CALCR: variants seen among roughly 807,000 people sequenced by gnomAD.
The protein encoded by CALCR is calcitonin receptor.
Under a neutral mutation model 59.5 loss-of-function variants are expected in CALCR, and 47 were observed. That is an observed-to-expected ratio of 0.79 (90% CI 0.63 to 1.01). The LOEUF is 1.01. Ranked by LOEUF, CALCR falls within the 50% of genes least tolerant of loss-of-function variation. CALCR has a pLI of 0.00. For missense variants in CALCR, 566 were observed against 597.1 expected (o/e 0.95, Z 0.54); for synonymous variants, 213 against 211.3 (o/e 1.01, Z -0.07).
chr7:93,491,011 A>G (rs1801063129), intron 2 of CALCR, among the ~76,000 whole-genome samples: 1 of 152,108 alleles, frequency 6.6e-6, no homozygotes, highest in African/African-American at 2.4e-5. Flanking sequence ...AAACTATGCT[A>G]TAAGGCTACA....
intron 2 of CALCR, among the ~76,000 whole-genome samples, chr7:93,549,987 C>A (rs1460554022): frequency 2.6e-5 from 4 of 152,130 alleles, no homozygotes; most frequent in African/African-American, 9.7e-5. Flanking sequence ...CAATAATTTG[C>A]TTCAGAACAT....
At chr7:93,446,881 C>T (rs190554551) in intron 8 of CALCR, among the ~76,000 whole-genome samples, 7 of 152,112 alleles carry the variant, frequency 4.6e-5, no homozygotes, top group Non-Finnish European at 5.9e-5. Context: ...AATATAAATG[C>T]ATCACTTCCA....
intron 2 of CALCR, among the ~76,000 whole-genome samples, chr7:93,534,953 C>G (rs1788948308): frequency 6.6e-6 from 1 of 151,718 alleles, no homozygotes. Flanking sequence ...GAGACTGACT[C>G]TTACCTTCAT....
chr7:93,448,744 T>C (rs1800052485), intron 8 of CALCR, among the ~76,000 whole-genome samples: 1 of 151,952 alleles, frequency 6.6e-6, no homozygotes, highest in Non-Finnish European at 1.5e-5. Flanking sequence ...TGTGTGAAAA[T>C]TTATAAGGAA....
chr7:93,513,619 G>A (rs879912039), intron 2 of CALCR, among the ~76,000 whole-genome samples: 19 of 151,966 alleles, frequency 1.3e-4, no homozygotes, highest in Non-Finnish European at 2.4e-4. Flanking sequence ...TTTCTGTTAT[G>A]GTCTTTACAA....
At chr7:93,528,005 T>C (rs1372813940) in intron 2 of CALCR, among the ~76,000 whole-genome samples, 1 of 152,196 alleles carries the variant, frequency 6.6e-6, no homozygotes, top group Non-Finnish European at 1.5e-5. Context: ...TATCTGAGGT[T>C]TCAGAATATA....
rs536257903 is a variant in CALCR at position 93,570,602 on chromosome 7, T to C, written c.-27+3687A>G. On this transcript the variant is annotated intron_variant, in intron 2 of 13. Transcript: ENST00000426151. ...TTATTCTGGTACAAAGAATACCAAT[T>C]TATATGCTATTTTTAAAAAATAAAC... 7.9e-5 allele frequency among the ~76,000 whole-genome samples: 12 copies of C among 152,260 alleles called. No individual in the cohort carries two copies. In the South Asian group the frequency reaches 1.7e-3, roughly 21 times the overall value.
At chr7:93,511,598 C>T (rs1584596741) in intron 2 of CALCR, among the ~76,000 whole-genome samples, 1 of 151,792 alleles carries the variant, frequency 6.6e-6, no homozygotes, top group Non-Finnish European at 1.5e-5. Context: ...AAATGTAATT[C>T]CTTTTGAATA....
chr7:93,460,570 A>T (rs367601796), intron 8 of CALCR, among the ~76,000 whole-genome samples: 4,414 of 71,264 alleles, frequency 0.062, 144 homozygotes, highest in African/African-American at 0.12. Context: ...AAAAAAAAAA[A>T]AAATATATAT....
chr7:93,446,743 A>G (rs573815981), intron 8 of CALCR, among the ~76,000 whole-genome samples: 1 of 152,126 alleles, frequency 6.6e-6, no homozygotes, highest in Non-Finnish European at 1.5e-5. Flanking sequence ...GTATTAAGGA[A>G]GTCACTCAGA....
In CALCR at chr7:93,468,736, A is replaced by G. The variant is rs749362758; in HGVS notation, c.500T>C (p.Leu167Pro). ...TTACCTGAAAAACACGAAAATCCCC[A>G]GGGAAATCACTAGGGTGAAAATTGA... is the stretch of plus-strand genomic sequence containing the variant. The part of the protein sequence containing the change: ...SLSIFTLVIS[L>P]GIFVFFRSLG... The change falls in exon 7 of 14, where the codon CTG (leucine) becomes CCG (proline). Residue 167 changes from leucine to proline, a missense_variant. Leu to Pro is a moderately conservative substitution (Grantham distance 98). Coordinates refer to ENST00000426151, the MANE Select transcript of CALCR (RefSeq NM_001742.4). 2 of 1,610,410 alleles carry G rather than the reference A, an allele frequency of 1.2e-6. No individual in the cohort carries two copies. Among genetic ancestry groups the G allele is most frequent in the Non-Finnish European group, 1.7e-6 (2 of 1,177,618 alleles).
intron 8 of CALCR, among the ~76,000 whole-genome samples, chr7:93,449,984 G>A (rs960388331): frequency 6.6e-6 from 1 of 152,048 alleles, no homozygotes; most frequent in African/African-American, 2.4e-5. Flanking sequence ...TTCAGACTGG[G>A]CATGCGTATG....
intron 2 of CALCR, among the ~76,000 whole-genome samples, chr7:93,505,568 G>A (rs1056908369): frequency 4.6e-5 from 7 of 152,114 alleles, no homozygotes; most frequent in Non-Finnish European, 8.8e-5. Flanking sequence ...ATTTCACTAT[G>A]TCTTTCTCTC....
chr7:93,562,344 C>T (rs147303316), intron 2 of CALCR, among the ~76,000 whole-genome samples: 124 of 151,980 alleles, frequency 8.2e-4, no homozygotes, highest in African/African-American at 2.4e-3. Flanking sequence ...AAAACATATG[C>T]GTGATTTTCA....
In CALCR at chr7:93,424,581, C is replaced by T. The variant is rs540998375; in HGVS notation, c.*1775G>A. On this transcript the variant is annotated 3_prime_UTR_variant, in exon 14 of 14. Coordinates refer to ENST00000426151, the MANE Select transcript of CALCR (RefSeq NM_001742.4). The stretch of plus-strand genomic sequence containing the variant: ...CTCTGTATTAATTTATACATATACA[C>T]AAGCATAAGCATTTCACATAATTTG... 3.9e-5 allele frequency: 6 copies of T among 152,568 alleles called. No homozygotes were observed. Among genetic ancestry groups the T allele is most frequent in the Non-Finnish European group, 7.4e-5 (5 of 68,004 alleles). 9.5% of individuals were successfully genotyped at this position (152,568 alleles called of 1,614,324 possible).
intron 2 of CALCR, among the ~76,000 whole-genome samples, chr7:93,531,601 C>A (rs1007026473): frequency 3.3e-5 from 5 of 152,106 alleles, no homozygotes; most frequent in Admixed American, 6.6e-5. Flanking sequence ...AGCAATTTCA[C>A]AATTCCATGG....
intron 5 of CALCR, among the ~76,000 whole-genome samples, chr7:93,473,351 G>C (rs1800596594): frequency 6.6e-6 from 1 of 151,728 alleles, no homozygotes; most frequent in Non-Finnish European, 1.5e-5. Context: ...ATAACTAGCA[G>C]GTAGAAAGGT....
intron 8 of CALCR, among the ~76,000 whole-genome samples, chr7:93,460,560 A>ATATATATATATATATATAT (rs1800296863): frequency 1.3e-5 from 1 of 79,898 alleles, no homozygotes; most frequent in African/African-American, 8.9e-5. Flanking sequence ...TATCTAAAAA[A>ATATATATATATATATATAT]AAAAAAAAAA....
intron 8 of CALCR, among the ~76,000 whole-genome samples, chr7:93,447,084 A>C (rs1386388877): frequency 2.0e-5 from 3 of 152,016 alleles, no homozygotes; most frequent in African/African-American, 7.2e-5. Context: ...ATGTTTTAAT[A>C]AAACATACAG....
Sources: allele counts gnomAD v4.1 joint callset (sites outside exome capture counted in the v4.1 genomes callset), GRCh38; gene constraint gnomAD v4.1.1; transcripts MANE v1.5; gene names NCBI Gene and HGNC (gene_info 2026-07-23, HGNC 2026-07-21).